The following ASMTL variants were observed in gnomAD, a reference collection of about 807,000 sequenced individuals.
The protein encoded by ASMTL is acetylserotonin O-methyltransferase like.
In ASMTL, 57 loss-of-function variants were observed where a neutral mutation model predicts 60.3. The ratio of observed to expected loss-of-function variants is 0.95; its 90% CI spans 0.76 to 1.18. The LOEUF (loss-of-function observed/expected upper bound fraction) is 1.18. Among genes scored for constraint, ASMTL ranks in the 50% most tolerant of loss-of-function variants. The pLI, the probability that ASMTL is intolerant of heterozygous loss-of-function variation, is 0.00. For synonymous variants in ASMTL, 419 were observed against 373.0 expected, an observed-to-expected ratio of 1.12 and a Z score of -1.42; for missense variants, 981 against 852.6, an observed-to-expected ratio of 1.15 and a Z score of -1.88.
chrX:1,438,011 G>A (rs112313909), intron 3 of ASMTL, among the ~76,000 whole-genome samples: 14,091 of 151,970 alleles, frequency 0.093, 748 homozygotes, highest in East Asian at 0.17. Context: ...AATTTCAGCC[G>A]GGCGCGGTGG....
At chrX:1,407,332 TAGATGGATG>T (rs1410419643) in intron 12 of ASMTL, among the ~76,000 whole-genome samples, 7 of 148,554 alleles carry the variant, frequency 4.7e-5, no homozygotes, top group Non-Finnish European at 8.9e-5. Context: ...AATGGATGGA[TAGATGGATG>T]AGATGGATGG....
chrX:1,453,355 C>T (rs1273623563), upstream of ASMTL, among the ~76,000 whole-genome samples: 1 of 151,864 alleles, frequency 6.6e-6, no homozygotes, highest in Non-Finnish European at 1.5e-5. Context: ...CCGCCTCCCC[C>T]CCGGGCACCG....
intron 5 of ASMTL, among the ~76,000 whole-genome samples, chrX:1,434,307 T>C (rs1425754933): frequency 2.0e-5 from 3 of 151,754 alleles, no homozygotes; most frequent in African/African-American, 7.3e-5. Context: ...CTGGGCAACA[T>C]AGCAAGACCG....
In ASMTL at chrX:1,403,386, C is replaced by A. The variant is rs764665192; in HGVS notation, c.1749G>T (p.Lys583Asn). ...ACTGATACTCGCCCAGGCTCCGCTC[C>A]TTGCCTTCAGTCTGCACCAGCATGT... Reference protein sequence around the residue: ...SLNMLVQTEGKERSLGEYQCL... With the variant: ...SLNMLVQTEGNERSLGEYQCL... Residue 583 changes from lysine to asparagine, a missense_variant, in exon 13 of 13, where the codon AAG becomes AAT. Lys to Asn is a moderately conservative substitution (Grantham distance 94). Transcript: ENST00000381317. The A allele has an allele frequency of 8.1e-6, 13 of 1,613,508 alleles. No homozygotes were observed. The South Asian group carries it at 1.4e-4, about 18-fold the overall frequency.
In ASMTL at chrX:1,439,109, C is replaced by T. The variant is rs371468164; in HGVS notation, c.261G>A (p.Ala87=). The part of the protein sequence containing the change: ...DLRAPDVVIG[A]DTIVTVGGLI... ...TGGCCGCACTCACCACGATCGTGTC[C>T]GCTCCAATGACCACGTCGGGGGCCC... Residue 87 remains alanine, a synonymous_variant, in exon 3 of 13, where the codon GCG becomes GCA. Coordinates refer to ENST00000381317, the MANE Select transcript of ASMTL (RefSeq NM_004192.4). The T allele has an allele frequency of 2.0e-4, 315 of 1,614,024 alleles. 2 individuals are homozygous for T. The highest frequency in any genetic ancestry group is 1.1e-3 in the South Asian group (104 of 91,076).
chrX:1,417,063 C>T (rs1232557435), intron 11 of ASMTL, among the ~76,000 whole-genome samples: 1 of 151,412 alleles, frequency 6.6e-6, no homozygotes, highest in Non-Finnish European at 1.5e-5. Flanking sequence ...CTCACATATC[C>T]ACACAGACAC....
chrX:1,432,052 T>C lies in ASMTL; in HGVS notation c.509+217A>G. Reference sequence around the variant, plus strand: ...CGCAGCCCAGCGTTGGCTCCCACCCTGCCCCTCTCTGTCCTGGGAGTTTGC... The same window carrying C: ...CGCAGCCCAGCGTTGGCTCCCACCCCGCCCCTCTCTGTCCTGGGAGTTTGC... On this transcript the variant is annotated intron_variant, in intron 6 of 12. Coordinates refer to ENST00000381317, the MANE Select transcript of ASMTL (RefSeq NM_004192.4). The C allele has an allele frequency of 6.8e-6, 4 of 591,344 alleles. No individual in the cohort carries two copies. In the East Asian group the frequency reaches 1.1e-4, roughly 17 times the overall value. 36.6% of individuals were successfully genotyped at this position (591,344 alleles called of 1,614,324 possible).
At chrX:1,431,572 T>A (rs1379311298) in intron 6 of ASMTL, among the ~76,000 whole-genome samples, 1 of 142,420 alleles carries the variant, frequency 7.0e-6, no homozygotes, top group African/African-American at 2.5e-5. Flanking sequence ...AATATCTATA[T>A]GTAATATAGT....
intron 11 of ASMTL, among the ~76,000 whole-genome samples, chrX:1,415,292 A>G (rs73618977): frequency 0.93 from 141,058 of 151,874 alleles, 66,194 homozygotes; most frequent in East Asian, 1. Flanking sequence ...ACCTAAGGCC[A>G]CACTGTGACG....
chrX:1,424,847 TATCCATCCACCCACCCACCC>T lies in ASMTL; in HGVS notation c.1060+658_1060+677del, dbSNP rs1327078001. On this transcript the variant is annotated intron_variant, in intron 8 of 12. Transcript: ENST00000381317. ...CCATCCACCTCTCCATCCATCCATCTATCCATCCACCCACCCACCCATCCATCCACCCATCCACTGATCCA... is the reference window on the plus strand; with the variant it reads ...CCATCCACCTCTCCATCCATCCATCTATCCATCCACCCATCCACTGATCCA... 2.8e-4 allele frequency among the ~76,000 whole-genome samples: 18 copies of T among 63,684 alleles called. 1 individual carries two copies. The Admixed American group carries it at 2.9e-3, about 10-fold the overall frequency. The allele number at this position is 63,684 out of a possible 152,430, so 41.8% of individuals were successfully genotyped here. A position where few individuals can be genotyped will look rare whatever the true frequency, so the allele number is the denominator to read the frequency against.
chrX:1,439,705 G>A (rs1304791124), intron 2 of ASMTL, among the ~76,000 whole-genome samples: 3 of 151,552 alleles, frequency 2.0e-5, no homozygotes, highest in African/African-American at 4.8e-5. Context: ...AATATCAGTC[G>A]GGCACCTGTA....
intron 11 of ASMTL, among the ~76,000 whole-genome samples, chrX:1,417,547 A>G (rs2090335708): frequency 1.7e-5 from 1 of 60,592 alleles, no homozygotes. Context: ...ATGCACACAG[A>G]CACACAAGCA....
chrX:1,426,275 C>T (rs780810854), intron 7 of ASMTL, among the ~76,000 whole-genome samples: 1 of 152,112 alleles, frequency 6.6e-6, no homozygotes, highest in East Asian at 1.9e-4. Context: ...TTATAAACCA[C>T]CTGGTGGTGA....
rs754583326 is a variant in ASMTL at position 1,435,737 on chromosome X, C to G, written c.295G>C (p.Glu99Gln). ...GCGTCCTGCTTGTCCACCGGCTTCT[C>G]CAGAATCAGCCCCCCGACTGTCTGT... ...TIVTVGGLIL[E>Q]KPVDKQDAYR... Residue 99 changes from glutamate to glutamine, a missense_variant, in exon 4 of 13, where the codon GAG becomes CAG. Physicochemically the swap from Glu to Gln is conservative, Grantham distance 29. Coordinates refer to ENST00000381317, the MANE Select transcript of ASMTL (RefSeq NM_004192.4). 1 of 1,613,518 alleles carries G rather than the reference C, an allele frequency of 6.2e-7. No homozygotes were observed. The highest frequency in any genetic ancestry group is 1.3e-5 in the African/African-American group (1 of 74,868).
At chrX:1,448,394 A>AAG (rs2091276931) in intron 1 of ASMTL, among the ~76,000 whole-genome samples, 1 of 151,016 alleles carries the variant, frequency 6.6e-6, no homozygotes, top group African/African-American at 2.4e-5. Flanking sequence ...CATCTTGGAC[A>AAG]CACCGCCATC....
chrX:1,426,756 A>T lies in ASMTL; in HGVS notation c.897+978T>A, dbSNP rs187970573. On this transcript the variant is annotated intron_variant, in intron 7 of 12. Coordinates refer to ENST00000381317, the MANE Select transcript of ASMTL (RefSeq NM_004192.4). ...TAATCAGGAGGCTACTCCTGAGGCT[A>T]CTCAGGATCTCCTCTTGAGATTCTT... Among the ~76,000 whole-genome samples, 11 of 152,130 alleles carry T rather than the reference A, an allele frequency of 7.2e-5. No individual in the cohort carries two copies. In the East Asian group the frequency reaches 1.9e-3, roughly 27 times the overall value.
At position 1,427,958 on chromosome X, in the gene ASMTL, T is replaced by C. The variant is rs1405353336; in HGVS notation, c.673A>G (p.Lys225Glu). Residue 225 changes from lysine (K) to glutamate (E), a missense_variant, in exon 7 of 13, where the codon AAG (lysine) becomes GAG (glutamate). Physicochemically the swap from Lys to Glu is moderately conservative, Grantham distance 56. Transcript: ENST00000381317. ...PRPEDLRRSV[K>E]HDSIPAADTF... ...TCCGCGGCCGGGATGGAGTCGTGCT[T>C]GACACTCCGCCGCAGGTCCTCCGGA... 1 of 1,613,498 alleles carries C rather than the reference T, an allele frequency of 6.2e-7. No homozygotes were observed. Among genetic ancestry groups the C allele is most frequent in the Non-Finnish European group, 8.5e-7 (1 of 1,179,840 alleles).
chrX:1,422,869 G>A (rs1473605294), intron 8 of ASMTL, among the ~76,000 whole-genome samples: 2 of 152,150 alleles, frequency 1.3e-5, no homozygotes, highest in African/African-American at 2.4e-5. Flanking sequence ...TGCACAAAGC[G>A]TTGTCAAAAG....
intron 11 of ASMTL, among the ~76,000 whole-genome samples, chrX:1,416,647 GCA>G (rs1418702864): frequency 2.0e-5 from 3 of 151,278 alleles, no homozygotes; most frequent in Non-Finnish European, 4.4e-5. Context: ...ACATATGCAA[GCA>G]CACACCACAG....
Sources: gnomAD v4.1 joint callset for allele counts (sites outside exome capture counted in the v4.1 genomes callset) on GRCh38, gnomAD v4.1.1 for gene constraint, MANE v1.5 for transcripts, NCBI Gene and HGNC (gene_info 2026-07-23, HGNC 2026-07-21) for gene names.